The following GRM1 variants were observed in gnomAD, a reference collection of about 807,000 sequenced individuals.
GRM1 encodes the protein glutamate metabotropic receptor 1.
Under a neutral mutation model 90.9 loss-of-function variants are expected in GRM1, and 33 were observed. The observed-to-expected ratio is 0.36, with a 90% CI of 0.28 to 0.49. The LOEUF (loss-of-function observed/expected upper bound fraction) is 0.49, where lower values mean the gene tolerates loss of function less well. Among genes scored for constraint, GRM1 ranks in the 20% least tolerant of loss-of-function variants. The probability of loss-of-function intolerance (pLI) is 0.99; values close to 1 mark genes in which losing one functional copy is unlikely to be tolerated. For synonymous variants in GRM1, 700 were observed against 613.2 expected, an observed-to-expected ratio of 1.14 and a Z score of -2.09; for missense variants, 1,190 against 1,534.3, an observed-to-expected ratio of 0.78 and a Z score of 3.75.
Position 146,399,684 on chromosome 6 carries a change from G to A in GRM1, c.2645G>A (p.Gly882Glu), listed in dbSNP as rs764439606. Residue 882 changes from glycine to glutamate, a missense_variant, in exon 7 of 8, where the codon GGG becomes GAG. Gly to Glu is a moderately conservative substitution (Grantham distance 98). Transcript: ENST00000282753. This position sits in a 1 kb window ranked among gnomAD's most constrained non-coding sequence, Gnocchi z 5.4. Reference sequence around the variant, plus strand: ...AACATCTTCCGAAGAAAGAAGGCAGGGGCAGGGAATGCCAAGTGAGTTATC... The same window carrying A: ...AACATCTTCCGAAGAAAGAAGGCAGAGGCAGGGAATGCCAAGTGAGTTATC... ...FLNIFRRKKA[G>E]AGNANSNGKS... 15 of 1,611,196 alleles carry A rather than the reference G, an allele frequency of 9.3e-6. No homozygotes were observed. The South Asian group carries it at 9.9e-5, about 11-fold the overall frequency.
rs575524393 is a variant in GRM1, at chr6:146,323,528, C to A, written c.1186+18682C>A. Among the ~76,000 whole-genome samples the A allele has an allele frequency of 1.3e-4, 20 of 152,106 alleles. No homozygotes were observed. In the South Asian group the frequency reaches 3.7e-3, roughly 28 times the overall value. ...ATGAGTAGGTTGCAAAAATTTTCTC[C>A]CATTCTGTAGGTTGCCTGTTCACTC... is the stretch of plus-strand genomic sequence containing the variant. On this transcript the variant is annotated intron_variant, in intron 3 of 7. Transcript: ENST00000282753.
chr6:146,072,055 G>A (rs1383569936), intron 1 of GRM1, among the ~76,000 whole-genome samples: 1 of 152,080 alleles, frequency 6.6e-6, no homozygotes, highest in African/African-American at 2.4e-5. Context: ...ACATAGATTA[G>A]GCCAATCTGT....
At chr6:146,053,243 C>G (rs1286884520) in intron 1 of GRM1, among the ~76,000 whole-genome samples, 1 of 151,964 alleles carries the variant, frequency 6.6e-6, no homozygotes, top group Non-Finnish European at 1.5e-5. Context: ...CTTCACAATA[C>G]TTATTGAGAA....
chr6:146,162,677 A>G (rs1161858329), intron 2 of GRM1, among the ~76,000 whole-genome samples: 2 of 152,190 alleles, frequency 1.3e-5, no homozygotes, highest in African/African-American at 4.8e-5. Context: ...AAGGCCTTCA[A>G]AGCTCCATAT....
Position 146,111,521 on chromosome 6 carries a change from C to A in GRM1, c.701-47827C>A, listed in dbSNP as rs557304366. ...ATAACATAGTCACAGCAGAAAGAAT[C>A]CACATTAGAGAAGGTGGTTGTAGAA... is the stretch of plus-strand genomic sequence containing the variant. On this transcript the variant is annotated intron_variant, in intron 1 of 7. Coordinates refer to ENST00000282753, the MANE Select transcript of GRM1 (RefSeq NM_001278064.2). 3.3e-5 allele frequency among the ~76,000 whole-genome samples: 5 copies of A among 152,224 alleles called. No homozygotes were observed. The South Asian group carries it at 1.0e-3, about 32-fold the overall frequency.
intron 1 of GRM1, among the ~76,000 whole-genome samples, chr6:146,032,077 A>G (rs1054880620): frequency 6.6e-6 from 1 of 152,160 alleles, no homozygotes; most frequent in Non-Finnish European, 1.5e-5. Context: ...GAGTAGAATT[A>G]TGTTTTTGGA....
chr6:146,192,977 G>A (rs138576575), intron 2 of GRM1, among the ~76,000 whole-genome samples: 2,534 of 152,142 alleles, frequency 0.017, 38 homozygotes, highest in Non-Finnish European at 0.027. Context: ...CCAGATTAAG[G>A]ATAGAGTTCA....
chr6:146,070,935 G>T (rs907372945), intron 1 of GRM1, among the ~76,000 whole-genome samples: 8 of 152,002 alleles, frequency 5.3e-5, no homozygotes, highest in African/African-American at 1.9e-4. Flanking sequence ...GTACTACAAG[G>T]CAGTACCTAT....
At chr6:146,200,822 T>G (rs765139819) in intron 2 of GRM1, among the ~76,000 whole-genome samples, 3 of 152,056 alleles carry the variant, frequency 2.0e-5, no homozygotes, top group East Asian at 1.9e-4. Flanking sequence ...GAGAACTGGG[T>G]AGAAAAAGAA....
chr6:146,372,316 T>G (rs908086479), intron 5 of GRM1, among the ~76,000 whole-genome samples: 1 of 152,250 alleles, frequency 6.6e-6, no homozygotes, highest in East Asian at 1.9e-4. Context: ...ATTATCAGAT[T>G]TTTTTCCTAT....
At chr6:146,121,793 G>A (rs1775998706) in intron 1 of GRM1, among the ~76,000 whole-genome samples, 1 of 152,226 alleles carries the variant, frequency 6.6e-6, no homozygotes, top group Non-Finnish European at 1.5e-5. Context: ...TGTGGTCTGA[G>A]AGACAATTTG....
At chr6:146,397,952 G>C (rs1312010428) in intron 6 of GRM1, among the ~76,000 whole-genome samples, 1 of 152,168 alleles carries the variant, frequency 6.6e-6, no homozygotes. Context: ...CAAATATTTT[G>C]TGATTACAAA....
At chr6:146,059,063 CT>C (rs1775578079) in intron 1 of GRM1, among the ~76,000 whole-genome samples, 1 of 152,068 alleles carries the variant, frequency 6.6e-6, no homozygotes, top group Non-Finnish European at 1.5e-5. Flanking sequence ...GAATTTTGAT[CT>C]TCTTTAGTGA....
intron 7 of GRM1, among the ~76,000 whole-genome samples, chr6:146,418,955 C>T (rs1195092336): frequency 6.6e-6 from 1 of 152,090 alleles, no homozygotes; most frequent in Non-Finnish European, 1.5e-5. Context: ...TAATGTGGCA[C>T]ATAAGGTAAT....
intron 2 of GRM1, among the ~76,000 whole-genome samples, chr6:146,219,505 TAA>T (rs1195900456): frequency 6.6e-6 from 1 of 151,706 alleles, no homozygotes; most frequent in Non-Finnish European, 1.5e-5. Context: ...ATCCCATTAG[TAA>T]GTCATGGAAT....
At chr6:146,124,827 C>T (rs1356898239) in intron 1 of GRM1, among the ~76,000 whole-genome samples, 2 of 152,070 alleles carry the variant, frequency 1.3e-5, no homozygotes, top group South Asian at 2.1e-4. Flanking sequence ...GAATCCATTG[C>T]GATGCACTTC....
At chr6:146,143,537 G>A (rs139709802) in intron 1 of GRM1, among the ~76,000 whole-genome samples, 2 of 152,252 alleles carry the variant, frequency 1.3e-5, no homozygotes, top group Admixed American at 6.5e-5. Context: ...CATATGTTGG[G>A]TGTTTCTGCA....
At chr6:146,043,811 A>ATATAT (rs1554260501) in intron 1 of GRM1, among the ~76,000 whole-genome samples, 6 of 145,592 alleles carry the variant, frequency 4.1e-5, no homozygotes, top group East Asian at 2.0e-4. Flanking sequence ...ATATATATAT[A>ATATAT]AAGGGAAGTG....
chr6:146,294,649 A>C (rs1006620433), intron 2 of GRM1, among the ~76,000 whole-genome samples: 1 of 152,162 alleles, frequency 6.6e-6, no homozygotes, highest in South Asian at 2.1e-4. Flanking sequence ...TTAATAACAG[A>C]GTAGTAAGTT....
Sources: allele counts gnomAD v4.1 joint callset (sites outside exome capture counted in the v4.1 genomes callset), GRCh38; gene constraint gnomAD v4.1.1; non-coding constraint Gnocchi (gnomAD v3.1); transcripts MANE v1.5; gene names NCBI Gene and HGNC (gene_info 2026-07-23, HGNC 2026-07-21).